OTUD7B: variants seen among roughly 807,000 people sequenced by gnomAD.
The protein encoded by OTUD7B is OTU domain-containing protein 7B.
A neutral mutation model predicts 82.2 loss-of-function variants in OTUD7B; 34 were observed. That is an observed-to-expected ratio of 0.41 (90% CI 0.31 to 0.55). OTUD7B has a LOEUF of 0.55. Among genes scored for constraint, OTUD7B ranks in the 20% least tolerant of loss-of-function variants. The probability of loss-of-function intolerance (pLI) is 0.20; values close to 1 mark genes in which losing one functional copy is unlikely to be tolerated. For missense variants in OTUD7B, 944 were observed against 1,062.1 expected (o/e 0.89, Z 1.55); for synonymous variants, 398 against 402.7 (o/e 0.99, Z 0.14).
At chr1:150,000,332 G>A (rs368946464) in intron 1 of OTUD7B, among the ~76,000 whole-genome samples, 44 of 151,940 alleles carry the variant, frequency 2.9e-4, no homozygotes, top group East Asian at 2.3e-3. Context: ...AAAATTAGCC[G>A]GGTGTGGTAG....
At chr1:149,954,360 C>A (rs993184322) in intron 7 of OTUD7B, among the ~76,000 whole-genome samples, 6 of 151,990 alleles carry the variant, frequency 3.9e-5, no homozygotes, top group Admixed American at 2.0e-4. Flanking sequence ...TATTGATTTA[C>A]GTATGTTGAA....
chr1:149,979,510 CA>C (rs1553779262), intron 1 of OTUD7B, among the ~76,000 whole-genome samples: 3 of 152,250 alleles, frequency 2.0e-5, no homozygotes. Flanking sequence ...TAAACTTCTT[CA>C]GTTCACTATA....
At position 149,943,782 on chromosome 1, in the gene OTUD7B, G is replaced by T. The variant is rs1464068405; in HGVS notation, c.*75C>A. The T allele has an allele frequency of 2.1e-6, 3 of 1,417,944 alleles. No individual in the cohort carries two copies. The African/African-American group carries it at 4.2e-5, about 20-fold the overall frequency. The allele number at this position is 1,417,944 out of a possible 1,614,324, so 87.8% of individuals were successfully genotyped here. A position where few individuals can be genotyped will look rare whatever the true frequency, so the allele number is the denominator to read the frequency against. ...TACTGCATTTTCCCCCTCAACATGG[G>T]GACTGTGTTCTTGATGAGCCAATTA... is the stretch of plus-strand genomic sequence containing the variant. On this transcript the variant is annotated 3_prime_UTR_variant, in exon 12 of 12. Coordinates refer to ENST00000581312, the MANE Select transcript of OTUD7B (RefSeq NM_020205.4).
rs781830411 is a variant in OTUD7B at position 149,977,498 on chromosome 1, T to C, written c.13A>G (p.Met5Val). 3 of 1,614,052 alleles carry C rather than the reference T, an allele frequency of 1.9e-6. No homozygotes were observed. The highest frequency in any genetic ancestry group is 2.2e-5 in the East Asian group (1 of 44,876). Residue 5 changes from methionine to valine, a missense_variant, in exon 2 of 12, where the codon ATG (methionine) becomes GTG (valine). Physicochemically the swap from Met to Val is conservative, Grantham distance 21. This residue lies in a region of OTUD7B where 530 missense variants were observed against 625.6 expected (regional missense o/e 0.85). Coordinates refer to ENST00000581312, the MANE Select transcript of OTUD7B (RefSeq NM_020205.4). MTLD[M>V]DAVLSDFVRS... ...ACAAAATCTGACAGAACAGCATCCATGTCCAGGGTCATGTGATCCTCAAGT... is the reference window on the plus strand; with the variant it reads ...ACAAAATCTGACAGAACAGCATCCACGTCCAGGGTCATGTGATCCTCAAGT...
At chr1:149,976,045 A>G (rs1553778475) in intron 2 of OTUD7B, among the ~76,000 whole-genome samples, 2 of 151,946 alleles carry the variant, frequency 1.3e-5, no homozygotes, top group African/African-American at 2.4e-5. Context: ...AGAAATGCAA[A>G]TTAAGGACAA....
chr1:150,009,868 A>G (rs587639935), intron 1 of OTUD7B, among the ~76,000 whole-genome samples: 1 of 152,176 alleles, frequency 6.6e-6, no homozygotes, highest in South Asian at 2.1e-4. Flanking sequence ...CCATCGGCTC[A>G]TGGCAACTTT....
chr1:150,012,013 T>G (rs1553787522), upstream of OTUD7B, among the ~76,000 whole-genome samples: 1 of 152,248 alleles, frequency 6.6e-6, no homozygotes, highest in Non-Finnish European at 1.5e-5. Flanking sequence ...GGCCCAAGGC[T>G]GTCCACACAT....
At chr1:149,967,661 C>CT in intron 3 of OTUD7B, 140 bp from the exon 4 acceptor site, 1 of 568,382 alleles carries the variant, frequency 1.8e-6, no homozygotes, top group Non-Finnish European at 2.9e-6. Flanking sequence ...TTTCAGAACC[C>CT]TTTTTCTGAA....
chr1:149,940,929 T>TA lies in OTUD7B; in HGVS notation c.*2927dup, dbSNP rs1175249599. ...GCAAAACAAACTTCACTATCTCCTA[T>TA]AAAAAATATCCATTGTCTCAGGGTC... is the stretch of plus-strand genomic sequence containing the variant. On this transcript the variant is annotated 3_prime_UTR_variant, in exon 12 of 12. Transcript: ENST00000581312. 1 of 151,940 alleles carries TA rather than the reference T, an allele frequency of 6.6e-6. No individual in the cohort carries two copies. Among genetic ancestry groups the TA allele is most frequent in the Non-Finnish European group, 1.5e-5 (1 of 67,986 alleles). 9.4% of individuals were successfully genotyped at this position (151,940 alleles called of 1,614,324 possible). A position where few individuals can be genotyped will look rare whatever the true frequency, so the allele number is the denominator to read the frequency against.
the OTUD7B span, among the ~76,000 whole-genome samples, chr1:150,046,329 C>T: frequency 6.6e-6 from 1 of 152,258 alleles, no homozygotes; most frequent in South Asian, 2.1e-4. Flanking sequence ...TCCCATCTCT[C>T]ATCTGGGTTG....
chr1:149,966,803 T>C (rs1649542317), intron 4 of OTUD7B, among the ~76,000 whole-genome samples: 1 of 152,194 alleles, frequency 6.6e-6, no homozygotes. Flanking sequence ...CTCATCTAAC[T>C]CCAGTTCTTA....
the OTUD7B span, among the ~76,000 whole-genome samples, chr1:150,051,646 A>G: frequency 2.0e-5 from 3 of 152,182 alleles, no homozygotes; most frequent in Non-Finnish European, 4.4e-5. Context: ...TATCTGGAAT[A>G]TAAAAATAAT....
At chr1:149,957,812 C>T (rs1337038723) in intron 7 of OTUD7B, among the ~76,000 whole-genome samples, 2 of 152,202 alleles carry the variant, frequency 1.3e-5, no homozygotes, top group African/African-American at 2.4e-5. Flanking sequence ...AGCAAGCCTC[C>T]GCAGGCATGG....
At position 149,943,166 on chromosome 1, in the gene OTUD7B, G is replaced by GT. The variant is rs1647377173; in HGVS notation, c.*690dup. 1.3e-5 allele frequency: 2 copies of GT among 152,372 alleles called. No individual in the cohort carries two copies. The highest frequency in any genetic ancestry group is 4.2e-4 in the South Asian group (2 of 4,818). The allele number at this position is 152,372 out of a possible 1,614,324, so 9.4% of individuals were successfully genotyped here. A position where few individuals can be genotyped will look rare whatever the true frequency, so the allele number is the denominator to read the frequency against. On this transcript the variant is annotated 3_prime_UTR_variant, in exon 12 of 12. Coordinates refer to ENST00000581312, the MANE Select transcript of OTUD7B (RefSeq NM_020205.4). Reference sequence around the variant, plus strand: ...GTAATCAGCAATCTCTTCTCAAACTGTAACAGATGACATATGACTGCTTGG... The same window carrying GT: ...GTAATCAGCAATCTCTTCTCAAACTGTTAACAGATGACATATGACTGCTTGG...
chr1:150,019,745 G>T, the OTUD7B span, among the ~76,000 whole-genome samples: 1 of 152,136 alleles, frequency 6.6e-6, no homozygotes, highest in Non-Finnish European at 1.5e-5. Flanking sequence ...TTATTCACGT[G>T]GTTGGCACGA....
At chr1:150,049,821 G>A in the OTUD7B span, among the ~76,000 whole-genome samples, 1 of 151,908 alleles carries the variant, frequency 6.6e-6, no homozygotes, top group Non-Finnish European at 1.5e-5. Context: ...ACTGGGCTCC[G>A]CCTTGGCTTC....
the OTUD7B span, among the ~76,000 whole-genome samples, chr1:150,051,650 AAAT>A: frequency 6.6e-6 from 1 of 152,156 alleles, no homozygotes; most frequent in Non-Finnish European, 1.5e-5. Flanking sequence ...TGGAATATAA[AAAT>A]AATATCCACC....
Position 149,944,287 on chromosome 1 carries a change from G to A in OTUD7B, c.2102C>T (p.Pro701Leu), listed in dbSNP as rs1324169514. 2.0e-5 allele frequency: 32 copies of A among 1,610,382 alleles called. No homozygotes were observed. The highest frequency in any genetic ancestry group is 4.5e-5 in the East Asian group (2 of 44,864). The change falls in exon 12 of 12, where the codon CCG becomes CTG. Residue 701 changes from proline (P) to leucine (L), a missense_variant. By Grantham distance (98) the Pro-to-Leu change is moderately conservative. Transcript: ENST00000581312. The part of the protein sequence containing the change: ...GYPGDFTIPR[P>L]SGGGVHCQEP... ...CTGGCAGTGGACTCCGCCCCCAGAC[G>A]GCCGAGGGATAGTAAAGTCCCCAGG...
In OTUD7B at chr1:149,943,629, C is replaced by T. The variant is rs145240430; in HGVS notation, c.*228G>A. On this transcript the variant is annotated 3_prime_UTR_variant, in exon 12 of 12. Coordinates refer to ENST00000581312, the MANE Select transcript of OTUD7B (RefSeq NM_020205.4). ...TTTCCCCTTGTACCTCAAACCTCAT[C>T]AAGTCAAGCTCTGCAGAGGAATAGT... 6.2e-4 allele frequency: 342 copies of T among 551,306 alleles called. 1 individual carries two copies. Among genetic ancestry groups the T allele is most frequent in the African/African-American group, 6.1e-3 (325 of 53,022 alleles). 34.2% of individuals were successfully genotyped at this position (551,306 alleles called of 1,614,324 possible).
Sources: gnomAD v4.1 joint callset for allele counts (sites outside exome capture counted in the v4.1 genomes callset) on GRCh38, gnomAD v4.1.1 for gene constraint, gnomAD v4.1.1 regional missense constraint, MANE v1.5 for transcripts, NCBI Gene and HGNC (gene_info 2026-07-23, HGNC 2026-07-21) for gene names.